Variants in LIPC observed in about 807,000 individuals in gnomAD.
The protein encoded by LIPC is hepatic triacylglycerol lipase.
LIPC carries 44 observed loss-of-function variants against 50.7 expected under a neutral mutation model. That is an observed-to-expected ratio of 0.87 (90% confidence interval 0.68 to 1.11). The LOEUF is 1.11. Ranked by LOEUF, LIPC falls within the 50% of genes most tolerant of loss-of-function variation. The probability of loss-of-function intolerance (pLI) is 0.00; values close to 1 mark genes in which losing one functional copy is unlikely to be tolerated. For missense variants in LIPC, 697 were observed against 648.2 expected (o/e 1.08, Z -0.82); for synonymous variants, 271 against 256.4 (o/e 1.06, Z -0.54).
intron 1 of LIPC, among the ~76,000 whole-genome samples, chr15:58,499,568 T>C (rs1891899149): frequency 1.3e-5 from 2 of 152,186 alleles, no homozygotes; most frequent in African/African-American, 4.8e-5. Context: ...TTAGAAACTA[T>C]GTCCAGTCAG....
chr15:58,550,429 T>C (rs1323311557), intron 6 of LIPC, among the ~76,000 whole-genome samples: 1 of 152,148 alleles, frequency 6.6e-6, no homozygotes, highest in Non-Finnish European at 1.5e-5. Context: ...GCTGAGCTTC[T>C]CCCATTTGCC....
chr15:58,484,132 T>C (rs1021291512), intron 1 of LIPC, among the ~76,000 whole-genome samples: 2 of 152,162 alleles, frequency 1.3e-5, no homozygotes, highest in Admixed American at 1.3e-4. Context: ...AACACAGGTG[T>C]GGACAGGGTC....
Position 58,548,399 on chromosome 15 carries a change from C to T in LIPC, c.878C>T (p.Ala293Val), listed in dbSNP as rs1893613690. Residue 293 changes from alanine to valine, a missense_variant, in exon 6 of 9, where the codon GCC (alanine) becomes GTC (valine). By Grantham distance (64) the Ala-to-Val change is moderately conservative. Coordinates refer to ENST00000299022, the MANE Select transcript of LIPC (RefSeq NM_000236.3). ...CTTTTCATCGACTCCTTGCTGCACGCCGGCACGCAGAGCATGGCCTACCCG... is the reference window on the plus strand; with the variant it reads ...CTTTTCATCGACTCCTTGCTGCACGTCGGCACGCAGAGCATGGCCTACCCG... ...VHLFIDSLLH[A>V]GTQSMAYPCG... The T allele has an allele frequency of 6.2e-7, 1 of 1,614,144 alleles. No homozygotes were observed. Among genetic ancestry groups the T allele is most frequent in the Non-Finnish European group, 8.5e-7 (1 of 1,180,018 alleles).
Position 58,433,966 on chromosome 15 carries a change from G to A in LIPC, c.88+1846G>A, listed in dbSNP as rs558268895. On this transcript the variant is annotated intron_variant, in intron 1 of 8. Coordinates refer to ENST00000299022, the MANE Select transcript of LIPC (RefSeq NM_000236.3). Reference sequence around the variant, plus strand: ...TTTCTGGGGAAACCGCAGGGAAGCCGGTGTCCTGTGGTGGAGCCCTTGTCA... The same window carrying A: ...TTTCTGGGGAAACCGCAGGGAAGCCAGTGTCCTGTGGTGGAGCCCTTGTCA... 3.0e-4 allele frequency among the ~76,000 whole-genome samples: 46 copies of A among 152,276 alleles called. 3 individuals carry two copies. The highest frequency in any genetic ancestry group is 1.5e-3 in the Admixed American group (23 of 15,284).
intron 1 of LIPC, among the ~76,000 whole-genome samples, chr15:58,452,057 C>G (rs1441558324): frequency 6.6e-6 from 1 of 152,176 alleles, no homozygotes; most frequent in Non-Finnish European, 1.5e-5. Context: ...ACCACACTTT[C>G]ATTGGCATCC....
chr15:58,550,823 T>C (rs1272766476), intron 6 of LIPC, among the ~76,000 whole-genome samples: 1 of 116,040 alleles, frequency 8.6e-6, no homozygotes, highest in East Asian at 2.6e-4. Context: ...TTTTCTTTCT[T>C]ACTTTTTTTT....
intron 1 of LIPC, among the ~76,000 whole-genome samples, chr15:58,447,064 C>T (rs752408936): frequency 2.1e-5 from 3 of 143,156 alleles, no homozygotes; most frequent in Non-Finnish European, 3.0e-5. Flanking sequence ...AGGAGAATCA[C>T]TCAAACCTAG....
At chr15:58,436,811 C>A (rs1015120958) in intron 1 of LIPC, 1 of 456,148 alleles carries the variant, frequency 2.2e-6, no homozygotes, top group South Asian at 1.5e-5. Flanking sequence ...AGGATGGTAT[C>A]CGGACAGAAG....
At chr15:58,553,990 C>T (rs1893847055) in intron 6 of LIPC, among the ~76,000 whole-genome samples, 2 of 150,020 alleles carry the variant, frequency 1.3e-5, no homozygotes, top group South Asian at 2.1e-4. Context: ...AATCCATACA[C>T]GGAGGGGGAA....
intron 1 of LIPC, among the ~76,000 whole-genome samples, chr15:58,466,947 GAC>G (rs58030998): frequency 0.37 from 56,666 of 151,934 alleles, 11,654 homozygotes; most frequent in South Asian, 0.5. Context: ...CAGTTTTCAA[GAC>G]ACTTTTCAGA....
intron 1 of LIPC, among the ~76,000 whole-genome samples, chr15:58,512,094 T>C (rs533845911): frequency 1.3e-5 from 2 of 152,140 alleles, no homozygotes; most frequent in South Asian, 4.1e-4. Context: ...TTTTCTTTTT[T>C]TTCTTTTTCT....
At chr15:58,471,874 C>A (rs1482823407) in intron 1 of LIPC, among the ~76,000 whole-genome samples, 13 of 152,190 alleles carry the variant, frequency 8.5e-5, no homozygotes, top group African/African-American at 2.7e-4. Flanking sequence ...CTCTCAATGA[C>A]CCTTGGGCTC....
intron 1 of LIPC, among the ~76,000 whole-genome samples, chr15:58,503,139 A>G (rs1892040839): frequency 6.6e-6 from 1 of 152,192 alleles, no homozygotes; most frequent in Non-Finnish European, 1.5e-5. Flanking sequence ...CTTAACCCTC[A>G]CAATTCAGAC....
chr15:58,551,251 G>A (rs1372090706), intron 6 of LIPC, among the ~76,000 whole-genome samples: 2 of 152,068 alleles, frequency 1.3e-5, no homozygotes, highest in South Asian at 2.1e-4. Flanking sequence ...GGAAAGTAAC[G>A]TCTCTGTGGT....
intron 7 of LIPC, among the ~76,000 whole-genome samples, chr15:58,561,810 A>G (rs1243984769): frequency 2.6e-5 from 4 of 152,184 alleles, no homozygotes; most frequent in African/African-American, 9.7e-5. Flanking sequence ...TCTGGGTTTT[A>G]ATGTTAATGC....
At chr15:58,492,477 A>G (rs1891619855) in intron 1 of LIPC, among the ~76,000 whole-genome samples, 1 of 152,162 alleles carries the variant, frequency 6.6e-6, no homozygotes, top group South Asian at 2.1e-4. Context: ...AACCCCCACA[A>G]AAGTATTAGC....
intron 6 of LIPC, among the ~76,000 whole-genome samples, chr15:58,554,656 A>C (rs1893871330): frequency 6.6e-6 from 1 of 151,644 alleles, no homozygotes; most frequent in African/African-American, 2.4e-5. Context: ...ACACTTTGGG[A>C]GGCCAATGCA....
At chr15:58,548,704 G>T in intron 6 of LIPC, 132 bp downstream of exon 6, 1 of 1,237,904 alleles carries the variant, frequency 8.1e-7, no homozygotes, top group East Asian at 2.5e-5. Context: ...AACTGTGCAG[G>T]CTCCAGACAG....
chr15:58,488,869 G>A (rs1211174863), intron 1 of LIPC, among the ~76,000 whole-genome samples: 2 of 152,158 alleles, frequency 1.3e-5, no homozygotes, highest in Non-Finnish European at 2.9e-5. Flanking sequence ...TACATCTCAG[G>A]ATGGGAGAAA....
Sources: gnomAD v4.1 joint callset for allele counts (sites outside exome capture counted in the v4.1 genomes callset) on GRCh38, gnomAD v4.1.1 for gene constraint, MANE v1.5 for transcripts, NCBI Gene and HGNC (gene_info 2026-07-23, HGNC 2026-07-21) for gene names.